SORT1: variants seen among roughly 807,000 people sequenced by gnomAD.
SORT1 encodes the protein sortilin.
Under a neutral mutation model 101.7 loss-of-function variants are expected in SORT1, and 39 were observed. The ratio of observed to expected loss-of-function variants is 0.38; its 90% CI spans 0.30 to 0.50. The LOEUF (loss-of-function observed/expected upper bound fraction) is 0.50. Ranked by LOEUF, SORT1 falls within the 20% of genes least tolerant of loss-of-function variation. The probability of loss-of-function intolerance (pLI) is 0.90; values close to 1 mark genes in which losing one functional copy is unlikely to be tolerated. For missense variants in SORT1, 878 were observed against 1,040.4 expected (o/e 0.84, Z 2.15); for synonymous variants, 396 against 393.7 (o/e 1.01, Z -0.07).
intron 6 of SORT1, among the ~76,000 whole-genome samples, chr1:109,350,067 T>G (rs1649860124): frequency 6.6e-6 from 1 of 152,238 alleles, no homozygotes; most frequent in Non-Finnish European, 1.5e-5. Flanking sequence ...TTCCACCTCC[T>G]TCCAGCTCTC....
At chr1:109,333,641 C>G (rs749500284) in intron 11 of SORT1, among the ~76,000 whole-genome samples, 41 of 151,936 alleles carry the variant, frequency 2.7e-4, no homozygotes, top group African/African-American at 9.2e-4. Context: ...AACAGGTATA[C>G]GAAAAAATGC....
chr1:109,327,138 T>C lies in SORT1; in HGVS notation c.1497A>G (p.Ser499=). The part of the protein sequence containing the change: ...IAHGSVGDAI[S]VMVPDVYISD... ...AGATGTACACATCTGGAACCATCACTGAGATGGCATCCCCCACGCTACCTG... is the reference window on the plus strand; with the variant it reads ...AGATGTACACATCTGGAACCATCACCGAGATGGCATCCCCCACGCTACCTG... The change falls in exon 13 of 20, where the codon TCA becomes TCG. Residue 499 remains serine (S), a synonymous_variant. Coordinates refer to ENST00000256637, the MANE Select transcript of SORT1 (RefSeq NM_002959.7). The C allele has an allele frequency of 1.2e-6, 2 of 1,613,436 alleles. No homozygotes were observed. Among genetic ancestry groups the C allele is most frequent in the African/African-American group, 1.3e-5 (1 of 75,012 alleles).
intron 13 of SORT1, among the ~76,000 whole-genome samples, chr1:109,325,982 CAA>C: frequency 6.6e-6 from 1 of 151,440 alleles, no homozygotes. Context: ...GCCTGGGTGA[CAA>C]GAGCAAAACT....
At chr1:109,340,607 C>T in intron 10 of SORT1, 117 bp downstream of exon 10, 1 of 995,860 alleles carries the variant, frequency 1.0e-6, no homozygotes, top group Non-Finnish European at 1.5e-6. Context: ...AAAAAATGTA[C>T]ATGGGTAGGC....
chr1:109,386,240 A>AG (rs1652561260), intron 1 of SORT1, among the ~76,000 whole-genome samples: 1 of 152,186 alleles, frequency 6.6e-6, no homozygotes, highest in Admixed American at 6.5e-5. Flanking sequence ...GCATTGTGGG[A>AG]GGCAAAAGTG....
chr1:109,353,152 C>T (rs1189601107), intron 5 of SORT1, among the ~76,000 whole-genome samples: 1 of 151,826 alleles, frequency 6.6e-6, no homozygotes, highest in Non-Finnish European at 1.5e-5. Context: ...ATGGTGAAAC[C>T]CTGTCTCTAC....
intron 11 of SORT1, among the ~76,000 whole-genome samples, chr1:109,332,471 G>T (rs186148545): frequency 1.3e-5 from 2 of 152,220 alleles, no homozygotes; most frequent in Admixed American, 6.5e-5. Context: ...AGCTACTTGG[G>T]ACGTGGGAGG....
intron 1 of SORT1, among the ~76,000 whole-genome samples, chr1:109,384,876 G>A (rs947733118): frequency 3.3e-5 from 5 of 152,128 alleles, no homozygotes; most frequent in African/African-American, 1.2e-4. Context: ...TCAGGAGTTT[G>A]AAACCAGCCT....
chr1:109,351,519 G>A (rs1324840947), intron 5 of SORT1, among the ~76,000 whole-genome samples: 4 of 152,198 alleles, frequency 2.6e-5, no homozygotes, highest in African/African-American at 4.8e-5. Context: ...ATTAGCAAAC[G>A]CAAGGAGGTC....
At chr1:109,318,225 C>G (rs1239640279) in intron 15 of SORT1, among the ~76,000 whole-genome samples, 1 of 150,472 alleles carries the variant, frequency 6.6e-6, no homozygotes, top group Non-Finnish European at 1.5e-5. Flanking sequence ...GTGTTCTTGG[C>G]TCACTGCAAC....
chr1:109,342,846 A>G (rs2101583838), intron 8 of SORT1, among the ~76,000 whole-genome samples: 1 of 152,278 alleles, frequency 6.6e-6, no homozygotes, highest in East Asian at 1.9e-4. Context: ...ATAGCTTAAC[A>G]TCGCTACTAG....
chr1:109,341,251 A>G (rs895088996), intron 9 of SORT1, among the ~76,000 whole-genome samples: 1 of 152,210 alleles, frequency 6.6e-6, no homozygotes, highest in African/African-American at 2.4e-5. Flanking sequence ...TGAAGGATCA[A>G]TTTGTAAGAT....
chr1:109,363,202 T>C (rs769975261), intron 3 of SORT1, among the ~76,000 whole-genome samples: 3 of 152,180 alleles, frequency 2.0e-5, no homozygotes, highest in Non-Finnish European at 4.4e-5. Flanking sequence ...CTTCACTAAG[T>C]ACATTATACA....
At chr1:109,321,919 G>A (rs2101538977) in intron 15 of SORT1, among the ~76,000 whole-genome samples, 1 of 152,120 alleles carries the variant, frequency 6.6e-6, no homozygotes, top group South Asian at 2.1e-4. Flanking sequence ...AAGTCTGGAT[G>A]GTCCTGAACT....
intron 10 of SORT1, among the ~76,000 whole-genome samples, chr1:109,339,984 A>T (rs546472656): frequency 4.6e-5 from 7 of 152,196 alleles, no homozygotes; most frequent in African/African-American, 1.2e-4. Flanking sequence ...CCCCATCTCT[A>T]CTAAAAATAC....
rs552706567 is a variant in SORT1 at position 109,394,844 on chromosome 1, T to G, written c.306+2743A>C. Among the ~76,000 whole-genome samples the G allele has an allele frequency of 3.3e-5, 5 of 152,288 alleles. No homozygotes were observed. The South Asian group carries it at 1.0e-3, about 32-fold the overall frequency. ...CTTTTGCTTTTTCTTGGGACTCGAA[T>G]CCTGTCATGTTATGTAGGAAAAATG... On this transcript the variant is annotated intron_variant, in intron 1 of 19. Coordinates refer to ENST00000256637, the MANE Select transcript of SORT1 (RefSeq NM_002959.7).
chr1:109,361,784 T>C (rs1650737931), intron 3 of SORT1, among the ~76,000 whole-genome samples: 1 of 152,214 alleles, frequency 6.6e-6, no homozygotes, highest in Non-Finnish European at 1.5e-5. Flanking sequence ...AAATCAGTAC[T>C]CATGGTCCCT....
intron 17 of SORT1, among the ~76,000 whole-genome samples, chr1:109,315,060 A>T (rs1286418065): frequency 6.6e-6 from 1 of 152,180 alleles, no homozygotes; most frequent in Non-Finnish European, 1.5e-5. Flanking sequence ...GCCTAGATCA[A>T]GTATGATTGC....
intron 19 of SORT1, 76 bp downstream of exon 19, chr1:109,314,185 T>C: frequency 1.3e-6 from 2 of 1,506,016 alleles, no homozygotes; most frequent in Admixed American, 1.8e-5. Context: ...ATCTTGATCA[T>C]GAATAGAAGA....
Sources: allele counts gnomAD v4.1 joint callset (sites outside exome capture counted in the v4.1 genomes callset), GRCh38; gene constraint gnomAD v4.1.1; transcripts MANE v1.5; gene names NCBI Gene and HGNC (gene_info 2026-07-23, HGNC 2026-07-21).